Variants in ABCB7 observed in about 807,000 individuals in gnomAD.
ABCB7 encodes ATP binding cassette subfamily B member 7.
ABCB7 carries 7 observed loss-of-function variants against 54.4 expected under a neutral mutation model. The observed-to-expected ratio is 0.13, with a 90% confidence interval of 0.07 to 0.24. The LOEUF (loss-of-function observed/expected upper bound fraction) is 0.24, where lower values mean the gene tolerates loss of function less well. Ranked by LOEUF, ABCB7 falls within the 10% of genes least tolerant of loss-of-function variation. ABCB7 has a pLI of 1.00. For missense variants in ABCB7, 356 were observed against 570.4 expected (o/e 0.62, Z 3.83); for synonymous variants, 218 against 207.1 (o/e 1.05, Z -0.45).
At chrX:75,112,827 A>G (rs746466864) in intron 3 of ABCB7, 59 bp downstream of exon 3, 108 of 918,710 alleles carry the variant, frequency 1.2e-4, no homozygotes, top group Non-Finnish European at 1.6e-4. Context: ...TTAAATACAT[A>G]TATCTTCTGT....
chrX:75,141,159 A>C (rs749667457), intron 1 of ABCB7, among the ~76,000 whole-genome samples: 1 of 112,170 alleles, frequency 8.9e-6, no homozygotes, highest in African/African-American at 3.2e-5. Context: ...GACAGAAAGC[A>C]GCTCAGGTTC....
intron 13 of ABCB7, among the ~76,000 whole-genome samples, chrX:75,063,800 G>C (rs1157372814): frequency 4.5e-5 from 5 of 111,904 alleles, no homozygotes; most frequent in African/African-American, 1.6e-4. Flanking sequence ...TGCTCATTTT[G>C]AGAGGTTTGG....
rs187589435 is a variant in ABCB7, at chrX:75,102,864, G to A, written c.334-3803C>T. 7.6e-3 allele frequency among the ~76,000 whole-genome samples: 845 copies of A among 111,469 alleles called. 5 individuals carry two copies. The highest frequency in any genetic ancestry group is 0.011 in the Non-Finnish European group (578 of 52,776). Reference sequence around the variant, plus strand: ...ATGGCCATTATAACTGAGGGAAGAGGATATCTCATGTGGTCTTGATTTGCA... The same window carrying A: ...ATGGCCATTATAACTGAGGGAAGAGAATATCTCATGTGGTCTTGATTTGCA... On this transcript the variant is annotated intron_variant, in intron 3 of 15. Transcript: ENST00000373394.
At chrX:75,078,754 T>C (rs375343718) in intron 4 of ABCB7, among the ~76,000 whole-genome samples, 25 of 112,238 alleles carry the variant, frequency 2.2e-4, no homozygotes, top group African/African-American at 8.1e-4. Flanking sequence ...GAATTTTTTC[T>C]AGTATACCAT....
At chrX:75,068,045 G>T (rs892145561) in intron 12 of ABCB7, among the ~76,000 whole-genome samples, 13 of 111,432 alleles carry the variant, frequency 1.2e-4, no homozygotes, top group African/African-American at 4.2e-4. Context: ...ATAGTAAAAT[G>T]ATTACTATAG....
chrX:75,104,063 T>G (rs1413608458), intron 3 of ABCB7, among the ~76,000 whole-genome samples: 3 of 68,255 alleles, frequency 4.4e-5, no homozygotes, highest in African/African-American at 1.8e-4. Flanking sequence ...TTTTTTTTTT[T>G]TTTTTTTTTT....
chrX:75,133,844 G>A (rs2081991458), intron 1 of ABCB7, among the ~76,000 whole-genome samples: 1 of 111,557 alleles, frequency 9.0e-6, no homozygotes, highest in African/African-American at 3.3e-5. Context: ...TGCTAAACAC[G>A]GAAACAAAAG....
Position 75,071,793 on chromosome X carries a change from A to C in ABCB7, c.1033-110T>G, listed in dbSNP as rs1339739785. 11 of 528,868 alleles carry C rather than the reference A, an allele frequency of 2.1e-5. No individual in the cohort carries two copies. In the Admixed American group the frequency reaches 2.3e-4, roughly 11 times the overall value. The allele number at this position is 528,868 out of a possible 1,213,427, so 43.6% of individuals were successfully genotyped here. On this transcript the variant is annotated intron_variant, in intron 8 of 15. Coordinates refer to ENST00000373394, the MANE Select transcript of ABCB7 (RefSeq NM_001271696.3). ...ATGTATGAATACAATTTTGTACTGT[A>C]GATTCCATTTTAAAAATTGACTCAA...
chrX:75,109,989 T>G (rs770303796), intron 3 of ABCB7, among the ~76,000 whole-genome samples: 20 of 111,987 alleles, frequency 1.8e-4, no homozygotes, highest in Admixed American at 1.5e-3. Flanking sequence ...ATACATATAG[T>G]GAATTTGGGA....
chrX:75,140,811 C>T (rs1185828314), intron 1 of ABCB7, among the ~76,000 whole-genome samples: 1 of 111,005 alleles, frequency 9.0e-6, no homozygotes, highest in Non-Finnish European at 1.9e-5. Context: ...GTGAAAAGGA[C>T]ATGAAAAGAC....
intron 1 of ABCB7, among the ~76,000 whole-genome samples, chrX:75,117,400 G>T (rs986311723): frequency 9.0e-6 from 1 of 110,747 alleles, no homozygotes; most frequent in South Asian, 4.0e-4. Context: ...GTGCATATAC[G>T]CAGGTAAAGA....
chrX:75,141,963 A>C (rs1027467927), intron 1 of ABCB7, among the ~76,000 whole-genome samples: 6 of 112,027 alleles, frequency 5.4e-5, no homozygotes, highest in Non-Finnish European at 3.8e-5. Flanking sequence ...ATATATAATT[A>C]ATGTAATGGA....
At chrX:75,077,906 T>C (rs901486571) in intron 4 of ABCB7, among the ~76,000 whole-genome samples, 6 of 107,875 alleles carry the variant, frequency 5.6e-5, no homozygotes, top group African/African-American at 2.0e-4. Flanking sequence ...AGGTTCTTGC[T>C]TCTTCTTTGC....
intron 1 of ABCB7, among the ~76,000 whole-genome samples, chrX:75,155,271 C>G (rs1318914213): frequency 1.8e-5 from 2 of 112,828 alleles, no homozygotes; most frequent in Non-Finnish European, 3.7e-5. Flanking sequence ...GAGGTTGTTT[C>G]TCATACAAAA....
intron 15 of ABCB7, among the ~76,000 whole-genome samples, chrX:75,055,589 A>AC (rs1262403211): frequency 5.6e-5 from 6 of 107,504 alleles, no homozygotes. Flanking sequence ...ACAACCAAAA[A>AC]ACACACACAA....
intron 1 of ABCB7, among the ~76,000 whole-genome samples, chrX:75,133,132 GA>G (rs1027643091): frequency 8.9e-6 from 1 of 112,044 alleles, no homozygotes; most frequent in African/African-American, 3.2e-5. Context: ...GCCATGTTAA[GA>G]AAGAACCAAA....
chrX:75,108,720 T>G (rs1001003616), intron 3 of ABCB7, among the ~76,000 whole-genome samples: 3 of 110,141 alleles, frequency 2.7e-5, no homozygotes, highest in Non-Finnish European at 5.7e-5. Context: ...GACAGAGGGC[T>G]GAGAGAAGCT....
intron 12 of ABCB7, 57 bp from the exon 13 acceptor site, chrX:75,065,298 A>G (rs1171728996): frequency 2.9e-6 from 3 of 1,035,520 alleles, no homozygotes; most frequent in Non-Finnish European, 4.0e-6. Context: ...CTCTCTATTT[A>G]TGTTCATTAT....
intron 1 of ABCB7, among the ~76,000 whole-genome samples, chrX:75,123,768 C>G (rs1053829252): frequency 2.7e-5 from 3 of 110,935 alleles, no homozygotes; most frequent in Non-Finnish European, 5.7e-5. Context: ...CTTTTTGATG[C>G]TATGGTAAAT....
Sources: allele counts gnomAD v4.1 joint callset (sites outside exome capture counted in the v4.1 genomes callset), GRCh38; gene constraint gnomAD v4.1.1; transcripts MANE v1.5; gene names NCBI Gene and HGNC (gene_info 2026-07-23, HGNC 2026-07-21).